TYW1B: variants seen among roughly 807,000 people sequenced by gnomAD.
TYW1B encodes the protein tRNA-yW synthesizing protein 1 homolog B.
A neutral mutation model predicts 86.9 loss-of-function variants in TYW1B; 73 were observed. That is an observed-to-expected ratio of 0.84 (90% CI 0.70 to 1.02). The LOEUF (loss-of-function observed/expected upper bound fraction) is 1.02, where lower values mean the gene tolerates loss of function less well. TYW1B is among the 50% of genes least tolerant of loss of function. TYW1B has a pLI of 0.00. For missense variants in TYW1B, 637 were observed against 827.4 expected, an observed-to-expected ratio of 0.77 and a Z score of 2.82; for synonymous variants, 248 against 292.8, an observed-to-expected ratio of 0.85 and a Z score of 1.56.
At chr7:72,823,341 G>A (rs549319047) in intron 2 of TYW1B, among the ~76,000 whole-genome samples, 2 of 151,568 alleles carry the variant, frequency 1.3e-5, no homozygotes, top group Non-Finnish European at 2.9e-5. Context: ...AAAAATAAAG[G>A]CCGGGCACGG....
intron 11 of TYW1B, among the ~76,000 whole-genome samples, chr7:72,682,392 G>A (rs1325764719): frequency 6.6e-6 from 1 of 152,048 alleles, no homozygotes; most frequent in Non-Finnish European, 1.5e-5. Flanking sequence ...TATCCCAACT[G>A]GATTAAAGAG....
intron 11 of TYW1B, among the ~76,000 whole-genome samples, chr7:72,688,537 A>T (rs35222082): frequency 2.6e-5 from 4 of 152,168 alleles, no homozygotes; most frequent in Non-Finnish European, 5.9e-5. Context: ...AATTGAACCA[A>T]TATCTTTATC....
chr7:72,606,771 A>G lies in TYW1B; in HGVS notation c.1785+9901T>C, dbSNP rs117916556. On this transcript the variant is annotated intron_variant, in intron 13 of 13. Coordinates refer to ENST00000620995, the MANE Select transcript of TYW1B (RefSeq NM_001145440.3). The stretch of plus-strand genomic sequence containing the variant: ...AAGGCACCCTTCCTACAGTAGGTCA[A>G]TAGAAGCTGAGAGGGGAACTGGACT... 1.2e-3 allele frequency among the ~76,000 whole-genome samples: 179 copies of G among 151,920 alleles called. 2 individuals carry two copies. In the East Asian group the frequency reaches 0.027, roughly 23 times the overall value.
At chr7:72,777,381 A>G (rs782245695) in intron 7 of TYW1B, 35 bp downstream of exon 7, 2 of 1,611,336 alleles carry the variant, frequency 1.2e-6, no homozygotes, top group South Asian at 1.1e-5. Flanking sequence ...GCCTAAGACT[A>G]TAGTCATATA....
chr7:72,812,693 C>CT (rs1262601465), intron 3 of TYW1B, among the ~76,000 whole-genome samples: 9 of 150,966 alleles, frequency 6.0e-5, no homozygotes, highest in African/African-American at 1.9e-4. Flanking sequence ...TGCTTGCTGC[C>CT]TTTTGGGGTT....
At chr7:72,782,648 G>A (rs1788068682) in intron 6 of TYW1B, among the ~76,000 whole-genome samples, 1 of 152,104 alleles carries the variant, frequency 6.6e-6, no homozygotes, top group African/African-American at 2.4e-5. Context: ...AGGTGGAGGT[G>A]GGTGGATCAC....
At chr7:72,733,745 A>C (rs1787153324) in intron 8 of TYW1B, among the ~76,000 whole-genome samples, 2 of 152,200 alleles carry the variant, frequency 1.3e-5, no homozygotes, top group South Asian at 4.1e-4. Flanking sequence ...ATGGAAAGAC[A>C]TCCCATGTCC....
At chr7:72,582,231 G>C (rs1490865443) in intron 13 of TYW1B, among the ~76,000 whole-genome samples, 10 of 152,052 alleles carry the variant, frequency 6.6e-5, no homozygotes, top group African/African-American at 2.4e-4. Context: ...AAGGACATGA[G>C]TTTCCACATT....
At chr7:72,810,373 T>C (rs1227089673) in intron 4 of TYW1B, 98 bp downstream of exon 4, 4 of 1,306,054 alleles carry the variant, frequency 3.1e-6, no homozygotes, top group East Asian at 2.3e-5. Context: ...TATGTGTGTG[T>C]ACGTGTGTGC....
intron 3 of TYW1B, among the ~76,000 whole-genome samples, chr7:72,814,818 A>C (rs1469105441): frequency 8.6e-5 from 13 of 151,508 alleles, no homozygotes; most frequent in African/African-American, 3.2e-4. Context: ...TAATCCCAGC[A>C]CTTTGGGAGG....
intron 2 of TYW1B, among the ~76,000 whole-genome samples, chr7:72,824,754 A>AT (rs1201739752): frequency 1.3e-5 from 2 of 151,828 alleles, no homozygotes; most frequent in Non-Finnish European, 2.9e-5. Flanking sequence ...AATAAAATAA[A>AT]TTTTTTTTAA....
intron 10 of TYW1B, among the ~76,000 whole-genome samples, chr7:72,703,026 A>ATTTTTTTT (rs1166122885): frequency 2.8e-5 from 1 of 35,208 alleles, no homozygotes; most frequent in South Asian, 1.1e-3. Flanking sequence ...ATATATATAT[A>ATTTTTTTT]TTTTTTTTTT....
At chr7:72,721,176 T>C (rs1454476636) in intron 9 of TYW1B, among the ~76,000 whole-genome samples, 5 of 152,172 alleles carry the variant, frequency 3.3e-5, no homozygotes, top group African/African-American at 9.7e-5. Context: ...GGCCAAGTCT[T>C]TGCTATTGTG....
At chr7:72,806,036 T>A (rs1295038755) in intron 5 of TYW1B, among the ~76,000 whole-genome samples, 1 of 152,034 alleles carries the variant, frequency 6.6e-6, no homozygotes, top group Admixed American at 6.6e-5. Flanking sequence ...TAGGATGACT[T>A]GCAGCCTTCA....
rs782456229 is a variant in TYW1B, at chr7:72,828,062, G to A, written c.4+10C>T. Reference sequence around the variant, plus strand: ...CCGCCCCAGGGTCCTTGCCCGCCGAGTGCCCTTACCCATCCTCCTCAGAGC... The same window carrying A: ...CCGCCCCAGGGTCCTTGCCCGCCGAATGCCCTTACCCATCCTCCTCAGAGC... On this transcript the variant is annotated intron_variant, in intron 1 of 13. Transcript: ENST00000620995. 10 of 1,613,866 alleles carry A rather than the reference G, an allele frequency of 6.2e-6. No homozygotes were observed. Among genetic ancestry groups the A allele is most frequent in the Non-Finnish European group, 6.8e-6 (8 of 1,179,954 alleles).
intron 9 of TYW1B, among the ~76,000 whole-genome samples, chr7:72,720,761 T>C (rs535626352): frequency 1.1e-3 from 172 of 152,264 alleles, no homozygotes; most frequent in Non-Finnish European, 1.7e-3. Flanking sequence ...TTATTATTAT[T>C]ATTATACCTT....
chr7:72,669,134 C>CTTTTTTTT (rs781821639), intron 11 of TYW1B, among the ~76,000 whole-genome samples: 3 of 81,554 alleles, frequency 3.7e-5, no homozygotes, highest in Non-Finnish European at 6.5e-5. Context: ...TAATTTTAAA[C>CTTTTTTTT]TTTTTTTTTT....
chr7:72,797,750 T>G (rs200378919), intron 6 of TYW1B, among the ~76,000 whole-genome samples: 2 of 151,986 alleles, frequency 1.3e-5, no homozygotes, highest in Non-Finnish European at 1.5e-5. Context: ...AAACCTGCAA[T>G]CTTAACTATA....
intron 10 of TYW1B, among the ~76,000 whole-genome samples, chr7:72,697,556 T>A (rs1297425956): frequency 1.3e-5 from 2 of 152,186 alleles, no homozygotes; most frequent in Non-Finnish European, 2.9e-5. Flanking sequence ...CCAGAAGAGA[T>A]AATGAGGCTC....
Sources: allele counts gnomAD v4.1 joint callset (sites outside exome capture counted in the v4.1 genomes callset), GRCh38; gene constraint gnomAD v4.1.1; transcripts MANE v1.5; gene names NCBI Gene and HGNC (gene_info 2026-07-23, HGNC 2026-07-21).